Variants in RIMS2 observed in about 807,000 individuals in gnomAD.
RIMS2 encodes regulating synaptic membrane exocytosis 2, also known as regulating synaptic membrane exocytosis protein 2.
RIMS2 carries 59 observed loss-of-function variants against 174.4 expected under a neutral mutation model. The observed-to-expected ratio is 0.34, with a 90% CI of 0.27 to 0.42. RIMS2 has a LOEUF of 0.42. Among genes scored for constraint, RIMS2 ranks in the 10% least tolerant of loss-of-function variants. The pLI, the probability that RIMS2 is intolerant of heterozygous loss-of-function variation, is 1.00. For missense variants in RIMS2, 1,620 were observed against 1,666.3 expected, an observed-to-expected ratio of 0.97 and a Z score of 0.48; for synonymous variants, 606 against 572.5, an observed-to-expected ratio of 1.06 and a Z score of -0.84.
intron 13 of RIMS2, among the ~76,000 whole-genome samples, chr8:103,937,489 G>A (rs1229419052): frequency 6.6e-6 from 1 of 152,210 alleles, no homozygotes; most frequent in Non-Finnish European, 1.5e-5. Flanking sequence ...TAAATAAGGA[G>A]TGTTACTTAC....
chr8:103,657,571 CA>C (rs1366558903), intron 1 of RIMS2, among the ~76,000 whole-genome samples: 1 of 152,120 alleles, frequency 6.6e-6, no homozygotes, highest in Non-Finnish European at 1.5e-5. Flanking sequence ...GCCCTGTCAA[CA>C]AAATTTTTCT....
intron 19 of RIMS2, among the ~76,000 whole-genome samples, chr8:104,191,811 G>T (rs1354715385): frequency 6.6e-6 from 1 of 151,928 alleles, no homozygotes; most frequent in Non-Finnish European, 1.5e-5. Flanking sequence ...CACTATGTTG[G>T]CTAGGTTGGT....
chr8:103,507,656 T>A (rs541679357), intron 1 of RIMS2, among the ~76,000 whole-genome samples: 1 of 152,270 alleles, frequency 6.6e-6, no homozygotes, highest in Admixed American at 6.5e-5. Flanking sequence ...ACAGTGTTTG[T>A]GTATGATTGC....
intron 19 of RIMS2, among the ~76,000 whole-genome samples, chr8:104,111,593 A>G (rs1032647060): frequency 1.3e-5 from 2 of 152,120 alleles, no homozygotes; most frequent in African/African-American, 4.8e-5. Flanking sequence ...TTTTTAATAG[A>G]GATGGGGTTT....
chr8:103,931,520 G>A lies in RIMS2; in HGVS notation c.2375+127G>A, dbSNP rs1044769268. On this transcript the variant is annotated intron_variant, in intron 12 of 23. Coordinates refer to ENST00000504942, the Ensembl canonical transcript of RIMS2. Reference sequence around the variant, plus strand: ...GAGATATGTGAAGTTTAACATAAACGTGATGTTCTTAGGAAACAAAATAGT... The same window carrying A: ...GAGATATGTGAAGTTTAACATAAACATGATGTTCTTAGGAAACAAAATAGT... 4.2e-5 allele frequency: 24 copies of A among 570,406 alleles called. No individual in the cohort carries two copies. The South Asian group carries it at 4.4e-4, about 11-fold the overall frequency. 35.3% of individuals were successfully genotyped at this position (570,406 alleles called of 1,614,324 possible). A position where few individuals can be genotyped will look rare whatever the true frequency, so the allele number is the denominator to read the frequency against.
At chr8:103,837,696 C>A (rs34663090) in intron 3 of RIMS2, among the ~76,000 whole-genome samples, 47,725 of 150,768 alleles carry the variant, frequency 0.32, 8,175 homozygotes, top group East Asian at 0.76. Context: ...TGAACTCATC[C>A]TTTTTTATGG....
intron 16 of RIMS2, among the ~76,000 whole-genome samples, chr8:103,982,152 A>G (rs2093958179): frequency 6.6e-6 from 1 of 152,160 alleles, no homozygotes; most frequent in Admixed American, 6.5e-5. Context: ...TGGAAAATAT[A>G]GAGGAAATGC....
At chr8:104,213,928 C>A (rs149767597) in intron 19 of RIMS2, among the ~76,000 whole-genome samples, 1 of 151,028 alleles carries the variant, frequency 6.6e-6, no homozygotes, top group East Asian at 1.9e-4. Flanking sequence ...GAGAAATAAC[C>A]GCAAATAGAA....
chr8:104,210,214 T>TC (rs1295250761), intron 19 of RIMS2, among the ~76,000 whole-genome samples: 1 of 151,988 alleles, frequency 6.6e-6, no homozygotes, highest in Admixed American at 6.6e-5. Flanking sequence ...ATTTTAAGGC[T>TC]CCCCCATGAA....
At chr8:104,216,933 T>G (rs1326267590) in intron 19 of RIMS2, among the ~76,000 whole-genome samples, 1 of 152,254 alleles carries the variant, frequency 6.6e-6, no homozygotes, top group Non-Finnish European at 1.5e-5. Flanking sequence ...CTACCTTATA[T>G]AGTGTTTATG....
Position 103,606,076 on chromosome 8 carries a change from C to G in RIMS2, c.177-91010C>G, listed in dbSNP as rs577007857. Among the ~76,000 whole-genome samples the G allele has an allele frequency of 8.0e-3, 1,173 of 146,574 alleles. 15 individuals carry two copies. The highest frequency in any genetic ancestry group is 0.028 in the African/African-American group (1,079 of 38,708). On this transcript the variant is annotated intron_variant, in intron 1 of 23. Coordinates refer to ENST00000504942, the Ensembl canonical transcript of RIMS2. ...TGTGTTTGCTCTTGCTTTTCTAGTT[C>G]TTTTACTTGTGATGTTAGGGTGTCA...
intron 6 of RIMS2, among the ~76,000 whole-genome samples, chr8:103,913,474 A>G (rs1247168020): frequency 6.6e-6 from 1 of 152,132 alleles, no homozygotes; most frequent in Admixed American, 6.6e-5. Flanking sequence ...AGCCATTCCT[A>G]TAAAAATTGT....
intron 16 of RIMS2, among the ~76,000 whole-genome samples, chr8:103,981,970 G>A (rs2093943368): frequency 6.6e-6 from 1 of 152,022 alleles, no homozygotes; most frequent in African/African-American, 2.4e-5. Flanking sequence ...AAACAGGTTT[G>A]TTTTTTTAAA....
chr8:103,537,165 G>C (rs1210267811), intron 1 of RIMS2, among the ~76,000 whole-genome samples: 1 of 152,092 alleles, frequency 6.6e-6, no homozygotes, highest in Non-Finnish European at 1.5e-5. Context: ...GTTTAAATAA[G>C]AAAATACATT....
chr8:103,669,257 A>T (rs1393777440), intron 1 of RIMS2, among the ~76,000 whole-genome samples: 2 of 152,104 alleles, frequency 1.3e-5, no homozygotes, highest in African/African-American at 2.4e-5. Context: ...TATAGGGAAA[A>T]CTGCCCCCAT....
chr8:104,103,550 A>G (rs988897138), intron 19 of RIMS2, among the ~76,000 whole-genome samples: 2 of 152,102 alleles, frequency 1.3e-5, no homozygotes, highest in African/African-American at 4.8e-5. Context: ...CTTTTATTCT[A>G]ATACTCCTTC....
intron 2 of RIMS2, among the ~76,000 whole-genome samples, chr8:103,760,817 A>T (rs376843654): frequency 6.6e-6 from 1 of 152,354 alleles, no homozygotes; most frequent in African/African-American, 2.4e-5. Context: ...GTTGAGCTTT[A>T]TTCACCAGCT....
intron 3 of RIMS2, among the ~76,000 whole-genome samples, chr8:103,778,564 C>T (rs1368492298): frequency 6.6e-6 from 1 of 152,106 alleles, no homozygotes; most frequent in Non-Finnish European, 1.5e-5. Flanking sequence ...CCAGTTCCAT[C>T]CATGTTGCTG....
intron 19 of RIMS2, among the ~76,000 whole-genome samples, chr8:104,061,276 G>T (rs181980569): frequency 9.8e-4 from 149 of 152,104 alleles, no homozygotes; most frequent in African/African-American, 3.5e-3. Flanking sequence ...ACATATATAT[G>T]TAGGATAGTT....
Sources: gnomAD v4.1 joint callset for allele counts (sites outside exome capture counted in the v4.1 genomes callset) on GRCh38, gnomAD v4.1.1 for gene constraint, MANE v1.5 for transcripts, NCBI Gene and HGNC (gene_info 2026-07-23, HGNC 2026-07-21) for gene names.